FOXK1: variants seen among roughly 807,000 people sequenced by gnomAD.
The protein encoded by FOXK1 is forkhead box K1, also known as forkhead box protein K1.
In FOXK1, 19 loss-of-function variants were observed where a neutral mutation model predicts 51.9. The ratio of observed to expected loss-of-function variants is 0.37; its 90% CI spans 0.26 to 0.54. The LOEUF (loss-of-function observed/expected upper bound fraction) is 0.54. Among genes scored for constraint, FOXK1 ranks in the 20% least tolerant of loss-of-function variants. FOXK1 has a pLI of 0.87. For missense variants in FOXK1, 870 were observed against 1,032.7 expected (o/e 0.84, Z 2.16); for synonymous variants, 537 against 482.6 (o/e 1.11, Z -1.48).
At chr7:4,719,187 T>C (rs1780277300) in intron 1 of FOXK1, among the ~76,000 whole-genome samples, 1 of 151,674 alleles carries the variant, frequency 6.6e-6, no homozygotes, top group Admixed American at 6.6e-5. Flanking sequence ...CCAGCTGGAG[T>C]GCGATGGCAC....
intron 1 of FOXK1, among the ~76,000 whole-genome samples, chr7:4,710,475 C>T (rs1457209689): frequency 7.2e-5 from 11 of 152,004 alleles, no homozygotes; most frequent in East Asian, 1.9e-4. Flanking sequence ...CTCCGGAGGC[C>T]GAGGCAGGAG....
intron 1 of FOXK1, among the ~76,000 whole-genome samples, chr7:4,726,934 C>G (rs1780388422): frequency 6.6e-6 from 1 of 152,060 alleles, no homozygotes; most frequent in Admixed American, 6.6e-5. Context: ...TATTAGTTGT[C>G]AACTACTAAT....
At chr7:4,754,903 T>C (rs565461969) in intron 3 of FOXK1, 2 of 579,136 alleles carry the variant, frequency 3.5e-6, no homozygotes, top group Non-Finnish European at 6.1e-6. Flanking sequence ...CGTCAAAGCC[T>C]TCATACAGCC....
intron 2 of FOXK1, among the ~76,000 whole-genome samples, chr7:4,742,574 A>AC (rs1780649373): frequency 6.6e-6 from 1 of 151,440 alleles, no homozygotes; most frequent in South Asian, 2.1e-4. Flanking sequence ...GCACCACCAC[A>AC]CCCACTTAAT....
chr7:4,751,380 G>A (rs758160730), intron 2 of FOXK1, among the ~76,000 whole-genome samples: 5 of 152,096 alleles, frequency 3.3e-5, no homozygotes, highest in Non-Finnish European at 7.4e-5. Context: ...GAATGTTTCC[G>A]TGGACTCCCA....
chr7:4,746,786 C>A (rs1375250272), intron 2 of FOXK1, among the ~76,000 whole-genome samples: 1 of 152,210 alleles, frequency 6.6e-6, no homozygotes, highest in Non-Finnish European at 1.5e-5. Context: ...TGTGAATCAC[C>A]CCTAGCGGGA....
chr7:4,759,929 G>T, intron 7 of FOXK1: 1 of 367,838 alleles, frequency 2.7e-6, no homozygotes, highest in Non-Finnish European at 4.9e-6. Flanking sequence ...TACTCAGGAG[G>T]CTGAGGGAGG....
At chr7:4,746,267 TCAGTC>T (rs1355674499) in intron 2 of FOXK1, among the ~76,000 whole-genome samples, 1 of 152,244 alleles carries the variant, frequency 6.6e-6, no homozygotes, top group African/African-American at 2.4e-5. Context: ...TAGATAACAT[TCAGTC>T]CTAACTTGGT....
At position 4,763,879 on chromosome 7, in the gene FOXK1, G is replaced by A. The variant is rs1393739282; in HGVS notation, c.*1415G>A. On this transcript the variant is annotated 3_prime_UTR_variant, in exon 9 of 9. Transcript: ENST00000328914. ...GCTGTCAGTTTTGCTGGCCGCTCCG[G>A]CGCTGGCTCTCCTGTCCGGGACCAC... 1 of 152,296 alleles carries A rather than the reference G, an allele frequency of 6.6e-6. No homozygotes were observed. Among genetic ancestry groups the A allele is most frequent in the Non-Finnish European group, 1.5e-5 (1 of 68,082 alleles). The allele number at this position is 152,296 out of a possible 1,614,324, so 9.4% of individuals were successfully genotyped here.
intron 7 of FOXK1, 186 bp downstream of exon 7, chr7:4,759,781 A>C: frequency 2.6e-6 from 2 of 766,704 alleles, no homozygotes; most frequent in Non-Finnish European, 4.0e-6. Flanking sequence ...TTATAATCCC[A>C]GTGCTTTGGG....
intron 1 of FOXK1, among the ~76,000 whole-genome samples, chr7:4,725,857 C>T (rs1290706318): frequency 1.3e-5 from 2 of 152,136 alleles, no homozygotes; most frequent in Non-Finnish European, 2.9e-5. Flanking sequence ...ATGTGCTGGG[C>T]GTGGGCTGGG....
At chr7:4,700,127 TG>T (rs1420401659) in intron 1 of FOXK1, among the ~76,000 whole-genome samples, 1 of 152,250 alleles carries the variant, frequency 6.6e-6, no homozygotes, top group Non-Finnish European at 1.5e-5. Context: ...TGGCTTGCAC[TG>T]CAGCACCCCA....
chr7:4,754,672 AC>A (rs1483645197), intron 3 of FOXK1, 57 bp downstream of exon 3: 16 of 1,555,910 alleles, frequency 1.0e-5, no homozygotes, highest in Non-Finnish European at 1.0e-5. Context: ...GGCCATAGTG[AC>A]CCGGCGCGGG....
At chr7:4,737,118 A>T (rs953112784) in intron 1 of FOXK1, among the ~76,000 whole-genome samples, 1 of 150,974 alleles carries the variant, frequency 6.6e-6, no homozygotes, top group Non-Finnish European at 1.5e-5. Flanking sequence ...TAATATCCAA[A>T]CCCCGATCTC....
intron 1 of FOXK1, among the ~76,000 whole-genome samples, chr7:4,710,930 G>C (rs920779655): frequency 1.3e-5 from 2 of 152,240 alleles, no homozygotes; most frequent in Middle Eastern, 3.4e-3. Flanking sequence ...GTTCCTTCTG[G>C]GTAGAGATGT....
At position 4,683,151 on chromosome 7, in the gene FOXK1, C is replaced by T. The variant is rs1481721270; in HGVS notation, c.560+283C>T. The stretch of plus-strand genomic sequence containing the variant: ...CCCGTCGCCCCCGACCCCCACCGGC[C>T]TGGACTCTGGGGTCAGCCCTGACCC... On this transcript the variant is annotated intron_variant, in intron 1 of 8. Coordinates refer to ENST00000328914, the MANE Select transcript of FOXK1 (RefSeq NM_001037165.2). This position sits in a 1 kb window ranked among gnomAD's most constrained non-coding sequence, Gnocchi z 4.5. Among the ~76,000 whole-genome samples the T allele has an allele frequency of 1.3e-5, 2 of 151,914 alleles. No homozygotes were observed. The highest frequency in any genetic ancestry group is 2.9e-5 in the Non-Finnish European group (2 of 67,934).
intron 1 of FOXK1, among the ~76,000 whole-genome samples, chr7:4,688,200 ATCACAGATGTCAT>A (rs1779844569): frequency 6.8e-6 from 1 of 147,802 alleles, no homozygotes; most frequent in Non-Finnish European, 1.5e-5. Context: ...TTAGAAGCAA[ATCACAGATGTCAT>A]CTTACTTTGT....
At chr7:4,708,280 T>C (rs1198187461) in intron 1 of FOXK1, among the ~76,000 whole-genome samples, 1 of 152,178 alleles carries the variant, frequency 6.6e-6, no homozygotes. Context: ...GAGTCCCCGA[T>C]GCTTTGTAAA....
chr7:4,713,504 T>G (rs941134554), intron 1 of FOXK1, among the ~76,000 whole-genome samples: 9 of 152,120 alleles, frequency 5.9e-5, no homozygotes, highest in Non-Finnish European at 1.0e-4. Context: ...TTTTTTGTTT[T>G]TTTTTTGAGG....
Sources: allele counts gnomAD v4.1 joint callset (sites outside exome capture counted in the v4.1 genomes callset), GRCh38; gene constraint gnomAD v4.1.1; non-coding constraint Gnocchi (gnomAD v3.1); transcripts MANE v1.5; gene names NCBI Gene and HGNC (gene_info 2026-07-23, HGNC 2026-07-21).